COL23A1: variants seen among roughly 807,000 people sequenced by gnomAD.
COL23A1 encodes the protein collagen type XXIII alpha 1 chain.
COL23A1 carries 97 observed loss-of-function variants against 99.3 expected under a neutral mutation model. The ratio of observed to expected loss-of-function variants is 0.98; its 90% CI spans 0.83 to 1.16. The LOEUF is 1.16. Ranked by LOEUF, COL23A1 falls within the 50% of genes most tolerant of loss-of-function variation. COL23A1 has a pLI of 0.00. For synonymous variants in COL23A1, 320 were observed against 308.2 expected, an observed-to-expected ratio of 1.04 and a Z score of -0.40; for missense variants, 762 against 757.4, an observed-to-expected ratio of 1.01 and a Z score of -0.07.
chr5:178,318,850 C>T (rs528023895), intron 2 of COL23A1, among the ~76,000 whole-genome samples: 3 of 148,786 alleles, frequency 2.0e-5, no homozygotes, highest in South Asian at 2.1e-4. Flanking sequence ...TGCAGCGAGC[C>T]GAGATTGTGC....
chr5:178,496,283 G>GC (rs1241065268), intron 2 of COL23A1, among the ~76,000 whole-genome samples: 2 of 152,100 alleles, frequency 1.3e-5, no homozygotes, highest in Non-Finnish European at 2.9e-5. Flanking sequence ...ACAAGATGAG[G>GC]CCCCGAAGCC....
At chr5:178,363,449 T>C (rs1024680552) in intron 2 of COL23A1, among the ~76,000 whole-genome samples, 4 of 152,244 alleles carry the variant, frequency 2.6e-5, no homozygotes, top group African/African-American at 9.6e-5. Flanking sequence ...ATTCATTCAG[T>C]ATCTATTGAG....
intron 2 of COL23A1, among the ~76,000 whole-genome samples, chr5:178,425,020 A>G (rs527935915): frequency 2.0e-5 from 3 of 152,220 alleles, no homozygotes; most frequent in Non-Finnish European, 4.4e-5. Flanking sequence ...CTCTCCACCG[A>G]CCACTGACAT....
chr5:178,329,485 C>A (rs1238189260), intron 2 of COL23A1, among the ~76,000 whole-genome samples: 1 of 152,186 alleles, frequency 6.6e-6, no homozygotes, highest in Non-Finnish European at 1.5e-5. Flanking sequence ...GCCTACCCAC[C>A]CCCACCAGGA....
intron 2 of COL23A1, among the ~76,000 whole-genome samples, chr5:178,326,842 C>T (rs997506231): frequency 6.6e-6 from 1 of 152,362 alleles, no homozygotes; most frequent in East Asian, 1.9e-4. Context: ...GCCTCAGCCT[C>T]CTGGGTAGCT....
Position 178,238,270 on chromosome 5 carries a change from A to C in COL23A1, c.*428T>G. On this transcript the variant is annotated 3_prime_UTR_variant, in exon 29 of 29. Coordinates refer to ENST00000390654, the MANE Select transcript of COL23A1 (RefSeq NM_173465.4). ...TTGGAGGCTGATGAGGCCAGGAGCA[A>C]CAGCAGCCGCTGTTCCACCCCTGGG... The C allele has an allele frequency of 6.2e-6, 1 of 161,692 alleles. No homozygotes were observed. Among genetic ancestry groups the C allele is most frequent in the African/African-American group, 2.4e-5 (1 of 41,762 alleles). The allele number at this position is 161,692 out of a possible 1,614,324, so 10.0% of individuals were successfully genotyped here.
At chr5:178,500,534 G>A (rs1216195044) in intron 2 of COL23A1, among the ~76,000 whole-genome samples, 2 of 150,964 alleles carry the variant, frequency 1.3e-5, no homozygotes, top group Non-Finnish European at 2.9e-5. Context: ...GAGCCCAGGA[G>A]TTCGAGGTAG....
intron 16 of COL23A1, among the ~76,000 whole-genome samples, chr5:178,253,208 C>G (rs866362716): frequency 6.6e-6 from 1 of 152,084 alleles, no homozygotes; most frequent in Non-Finnish European, 1.5e-5. Flanking sequence ...CCTCCACACT[C>G]CTCCCCTCCC....
chr5:178,315,305 G>A (rs533584680), intron 2 of COL23A1, among the ~76,000 whole-genome samples: 30 of 152,320 alleles, frequency 2.0e-4, no homozygotes, highest in African/African-American at 7.2e-4. Context: ...CTCAGGCAAG[G>A]GGGTGCCCGG....
Position 178,255,068 on chromosome 5 carries a change from A to G in COL23A1, c.883-42T>C, listed in dbSNP as rs369363952. 1 of 1,527,032 alleles carries G rather than the reference A, an allele frequency of 6.5e-7. No homozygotes were observed. The highest frequency in any genetic ancestry group is 9.1e-7 in the Non-Finnish European group (1 of 1,101,994). The allele number at this position is 1,527,032 out of a possible 1,614,324, so 94.6% of individuals were successfully genotyped here. A position where few individuals can be genotyped will look rare whatever the true frequency, so the allele number is the denominator to read the frequency against. ...AGTAAGAATTTCAGGGAAGAGCTACACTGAGTTGGAGGTGAAGTGGCAGCT... is the reference window on the plus strand; with the variant it reads ...AGTAAGAATTTCAGGGAAGAGCTACGCTGAGTTGGAGGTGAAGTGGCAGCT... On this transcript the variant is annotated intron_variant, in intron 15 of 28. Coordinates refer to ENST00000390654, the MANE Select transcript of COL23A1 (RefSeq NM_173465.4). The surrounding 1 kb of genome is among the most constrained non-coding windows in gnomAD (Gnocchi z 4.2).
rs1166047827 is a variant in COL23A1, at chr5:178,434,602, G to A, written c.361+126080C>T. ...GCTCTTCCTGGGACCCCAGCTGGGC[G>A]CCTGGCCTTGCATCCCAGGTGGGTA... On this transcript the variant is annotated intron_variant, in intron 2 of 28. Transcript: ENST00000390654. This position sits in a 1 kb window ranked among gnomAD's most constrained non-coding sequence, Gnocchi z 4.3. Among the ~76,000 whole-genome samples the A allele has an allele frequency of 6.6e-6, 1 of 152,222 alleles. No individual in the cohort carries two copies. Among genetic ancestry groups the A allele is most frequent in the East Asian group, 1.9e-4 (1 of 5,196 alleles).
At chr5:178,260,856 G>T (rs1765587930) in intron 11 of COL23A1, among the ~76,000 whole-genome samples, 1 of 152,204 alleles carries the variant, frequency 6.6e-6, no homozygotes. Context: ...TGAACAGGCG[G>T]AGAACAGAGC....
intron 2 of COL23A1, among the ~76,000 whole-genome samples, chr5:178,360,994 C>A (rs1762147440): frequency 6.6e-6 from 1 of 152,192 alleles, no homozygotes; most frequent in African/African-American, 2.4e-5. Context: ...CAGGGCTGGA[C>A]TGAACACGTC....
chr5:178,363,541 C>T (rs192953564), intron 2 of COL23A1, among the ~76,000 whole-genome samples: 1 of 152,340 alleles, frequency 6.6e-6, no homozygotes, highest in Admixed American at 6.5e-5. Flanking sequence ...AGACTCTGGT[C>T]CCAAATGTCT....
chr5:178,518,900 C>G (rs1220219486), intron 2 of COL23A1, among the ~76,000 whole-genome samples: 1 of 148,878 alleles, frequency 6.7e-6, no homozygotes, highest in Admixed American at 6.7e-5. Flanking sequence ...CTCCGCTGCC[C>G]GCTGAACTCC....
intron 2 of COL23A1, among the ~76,000 whole-genome samples, chr5:178,404,262 G>A (rs1764632022): frequency 1.3e-5 from 2 of 152,152 alleles, no homozygotes; most frequent in African/African-American, 4.8e-5. Context: ...GTGCTCAATC[G>A]CAATCACTGC....
At chr5:178,420,267 A>G (rs1189620429) in intron 2 of COL23A1, among the ~76,000 whole-genome samples, 1 of 152,020 alleles carries the variant, frequency 6.6e-6, no homozygotes, top group Non-Finnish European at 1.5e-5. Context: ...TGCCAAGCAG[A>G]TCAAACAAGA....
chr5:178,310,627 G>A lies in COL23A1; in HGVS notation c.362-3708C>T, dbSNP rs571497113. ...GTTGTGTCCCATATGCTGAGCTACC[G>A]GGCAGGCGGCCTTGGCGACCAGGGA... On this transcript the variant is annotated intron_variant, in intron 2 of 28. Coordinates refer to ENST00000390654, the MANE Select transcript of COL23A1 (RefSeq NM_173465.4). The surrounding 1 kb of genome is among the most constrained non-coding windows in gnomAD (Gnocchi z 4.3). 4.6e-5 allele frequency among the ~76,000 whole-genome samples: 7 copies of A among 152,234 alleles called. No homozygotes were observed. Among genetic ancestry groups the A allele is most frequent in the South Asian group, 2.1e-4 (1 of 4,826 alleles).
chr5:178,291,984 A>G (rs1022858365), intron 3 of COL23A1, among the ~76,000 whole-genome samples: 2 of 152,100 alleles, frequency 1.3e-5, no homozygotes, highest in Admixed American at 1.3e-4. Flanking sequence ...TCAGCCAATG[A>G]CCTTGATTCC....
Sources: gnomAD v4.1 joint callset for allele counts (sites outside exome capture counted in the v4.1 genomes callset) on GRCh38, gnomAD v4.1.1 for gene constraint, Gnocchi (gnomAD v3.1) non-coding constraint, MANE v1.5 for transcripts, NCBI Gene and HGNC (gene_info 2026-07-23, HGNC 2026-07-21) for gene names.